UNC5C: variants seen among roughly 807,000 people sequenced by gnomAD.
The protein encoded by UNC5C is unc-5 netrin receptor C.
UNC5C carries 47 observed loss-of-function variants against 99.8 expected under a neutral mutation model. The ratio of observed to expected loss-of-function variants is 0.47; its 90% CI spans 0.37 to 0.60. The LOEUF is 0.60. UNC5C is among the 20% of genes least tolerant of loss of function. The probability of loss-of-function intolerance (pLI) is 0.00; values close to 1 mark genes in which losing one functional copy is unlikely to be tolerated. For missense variants in UNC5C, 1,062 were observed against 1,165.9 expected (o/e 0.91, Z 1.30); for synonymous variants, 487 against 452.2 (o/e 1.08, Z -0.98).
intron 1 of UNC5C, among the ~76,000 whole-genome samples, chr4:95,460,649 G>A (rs1217344914): frequency 2.0e-5 from 3 of 152,170 alleles, no homozygotes; most frequent in African/African-American, 4.8e-5. Flanking sequence ...CTAGCCATGT[G>A]GAACTGTAAG....
At chr4:95,417,319 G>A (rs1455039274) in intron 1 of UNC5C, among the ~76,000 whole-genome samples, 1 of 152,130 alleles carries the variant, frequency 6.6e-6, no homozygotes, top group African/African-American at 2.4e-5. Flanking sequence ...TGTGCATTAA[G>A]TTTAATCATT....
chr4:95,228,832 A>T (rs1057502220), intron 7 of UNC5C, among the ~76,000 whole-genome samples: 1 of 152,188 alleles, frequency 6.6e-6, no homozygotes, highest in Admixed American at 6.5e-5. Context: ...ATAAAGCCAA[A>T]AATAGCATAG....
intron 1 of UNC5C, among the ~76,000 whole-genome samples, chr4:95,448,238 G>GAGAGAGAGAGAGAC (rs1553973948): frequency 0.022 from 2,983 of 136,438 alleles, 30 homozygotes; most frequent in Middle Eastern, 0.042. Flanking sequence ...GAGAGAGAGA[G>GAGAGAGAGAGAGAC]AGAGAGAGAG....
intron 3 of UNC5C, 62 bp downstream of exon 3, chr4:95,301,544 T>TA: frequency 6.2e-7 from 1 of 1,606,888 alleles, no homozygotes; most frequent in Non-Finnish European, 8.5e-7. Context: ...AGTCACAGTG[T>TA]AAACTTTCCC....
chr4:95,248,331 G>T (rs1441157645), intron 5 of UNC5C: 1 of 236,612 alleles, frequency 4.2e-6, no homozygotes, highest in African/African-American at 2.4e-5. Context: ...ACCCAAAGAT[G>T]CAGTTATAGT....
At chr4:95,546,442 ATAAC>A (rs1189159137) in intron 1 of UNC5C, among the ~76,000 whole-genome samples, 2 of 152,222 alleles carry the variant, frequency 1.3e-5, no homozygotes, top group East Asian at 3.8e-4. Flanking sequence ...CCTTCCTTTG[ATAAC>A]TAACAGACAA....
At chr4:95,520,813 G>T (rs1348607900) in intron 1 of UNC5C, among the ~76,000 whole-genome samples, 2 of 151,984 alleles carry the variant, frequency 1.3e-5, no homozygotes, top group Non-Finnish European at 2.9e-5. Flanking sequence ...CATTAGCCAA[G>T]ATGGTCTCGG....
At chr4:95,464,040 T>C (rs1446678508) in intron 1 of UNC5C, among the ~76,000 whole-genome samples, 1 of 152,204 alleles carries the variant, frequency 6.6e-6, no homozygotes, top group Non-Finnish European at 1.5e-5. Flanking sequence ...ATAAATACTT[T>C]TGCGTAAGCT....
chr4:95,171,343 A>T (rs1474676156), intron 14 of UNC5C, among the ~76,000 whole-genome samples: 1 of 150,984 alleles, frequency 6.6e-6, no homozygotes, highest in Admixed American at 6.6e-5. Flanking sequence ...CTAACTCATC[A>T]TCTAGCATTA....
intron 2 of UNC5C, among the ~76,000 whole-genome samples, chr4:95,335,103 G>A (rs1406435695): frequency 6.6e-6 from 1 of 151,906 alleles, no homozygotes; most frequent in Admixed American, 6.6e-5. Flanking sequence ...TGCAATTCAA[G>A]AATATTATTA....
intron 7 of UNC5C, among the ~76,000 whole-genome samples, chr4:95,223,584 C>T (rs1738557376): frequency 1.3e-5 from 2 of 152,148 alleles, no homozygotes; most frequent in South Asian, 4.2e-4. Context: ...TAGGTTTGCT[C>T]TGAATTCATT....
At chr4:95,376,232 G>A (rs1359461465) in intron 1 of UNC5C, among the ~76,000 whole-genome samples, 1 of 125,846 alleles carries the variant, frequency 7.9e-6, no homozygotes, top group East Asian at 2.7e-4. Flanking sequence ...TATATCTTAT[G>A]TGTATGTATA....
At chr4:95,440,504 T>C (rs1312442229) in intron 1 of UNC5C, among the ~76,000 whole-genome samples, 1 of 152,124 alleles carries the variant, frequency 6.6e-6, no homozygotes, top group Non-Finnish European at 1.5e-5. Context: ...ATTTCAAATA[T>C]TGGTATGACT....
chr4:95,439,283 C>A (rs1299207293), intron 1 of UNC5C, among the ~76,000 whole-genome samples: 1 of 151,702 alleles, frequency 6.6e-6, no homozygotes, highest in Admixed American at 6.6e-5. Context: ...GCACGGCTGG[C>A]GTGGATGATG....
chr4:95,521,217 C>CTTTT (rs201147890), intron 1 of UNC5C, among the ~76,000 whole-genome samples: 1 of 45,102 alleles, frequency 2.2e-5, no homozygotes, highest in African/African-American at 8.5e-5. Flanking sequence ...TTTCTTTTTT[C>CTTTT]TTTTTTCTTT....
intron 6 of UNC5C, among the ~76,000 whole-genome samples, chr4:95,244,601 C>T (rs1739434634): frequency 6.6e-6 from 1 of 152,130 alleles, no homozygotes; most frequent in African/African-American, 2.4e-5. Context: ...AATTTCAGTT[C>T]CAATTAATTT....
At chr4:95,410,272 G>A (rs941519054) in intron 1 of UNC5C, among the ~76,000 whole-genome samples, 2 of 152,014 alleles carry the variant, frequency 1.3e-5, no homozygotes. Context: ...TAATCCACTG[G>A]GTTGTAATGT....
chr4:95,211,832 TTCTC>T (rs1014161216), intron 10 of UNC5C, among the ~76,000 whole-genome samples: 2 of 152,210 alleles, frequency 1.3e-5, no homozygotes, highest in African/African-American at 4.8e-5. Flanking sequence ...CTTGAAGCAT[TTCTC>T]TCTAAGTAGG....
chr4:95,307,782 G>A (rs1049407875), intron 2 of UNC5C, among the ~76,000 whole-genome samples: 2 of 152,064 alleles, frequency 1.3e-5, no homozygotes, highest in Non-Finnish European at 2.9e-5. Flanking sequence ...CTTATCAAGT[G>A]GGATATATCC....
Sources: allele counts gnomAD v4.1 joint callset (sites outside exome capture counted in the v4.1 genomes callset), GRCh38; gene constraint gnomAD v4.1.1; transcripts MANE v1.5; gene names NCBI Gene and HGNC (gene_info 2026-07-23, HGNC 2026-07-21).